The following MAP4K3 variants were observed in gnomAD, a reference collection of about 807,000 sequenced individuals.
MAP4K3 encodes the protein MAPK/ERK kinase kinase kinase 3.
A neutral mutation model predicts 143.5 loss-of-function variants in MAP4K3; 94 were observed. The ratio of observed to expected loss-of-function variants is 0.65; its 90% confidence interval spans 0.55 to 0.78. The LOEUF (loss-of-function observed/expected upper bound fraction) is 0.78, where lower values mean the gene tolerates loss of function less well. Ranked by LOEUF, MAP4K3 falls within the 30% of genes least tolerant of loss-of-function variation. The pLI, the probability that MAP4K3 is intolerant of heterozygous loss-of-function variation, is 0.00. For missense variants in MAP4K3, 1,077 were observed against 1,068.1 expected (o/e 1.01, Z -0.12); for synonymous variants, 416 against 347.2 (o/e 1.20, Z -2.20).
chr2:39,384,842 AACC>A (rs562339381), intron 1 of MAP4K3, among the ~76,000 whole-genome samples: 2 of 152,282 alleles, frequency 1.3e-5, no homozygotes, highest in East Asian at 3.9e-4. Flanking sequence ...TAGATTATGT[AACC>A]ACCACCACCA....
At chr2:39,289,277 C>A (rs995106602) in intron 19 of MAP4K3, among the ~76,000 whole-genome samples, 2 of 152,098 alleles carry the variant, frequency 1.3e-5, no homozygotes, top group Non-Finnish European at 2.9e-5. Context: ...GCAAGTACAG[C>A]ATTATTTACT....
At chr2:39,435,073 G>C (rs575791752) in intron 1 of MAP4K3, among the ~76,000 whole-genome samples, 1 of 152,188 alleles carries the variant, frequency 6.6e-6, no homozygotes, top group South Asian at 2.1e-4. Context: ...TACATTCATC[G>C]AGTTTTAGTT....
intron 32 of MAP4K3, among the ~76,000 whole-genome samples, chr2:39,253,706 G>A (rs542020174): frequency 1.3e-5 from 2 of 152,288 alleles, no homozygotes; most frequent in South Asian, 4.1e-4. Context: ...GACAGTTTAA[G>A]AAACAAATAA....
intron 2 of MAP4K3, among the ~76,000 whole-genome samples, chr2:39,377,652 A>C (rs945035323): frequency 6.6e-6 from 1 of 152,142 alleles, no homozygotes; most frequent in Admixed American, 6.5e-5. Context: ...CAGAGACATG[A>C]AGCTATTTGC....
intron 27 of MAP4K3, 24 bp downstream of exon 27, chr2:39,267,165 T>C (rs752149734): frequency 2.5e-6 from 4 of 1,611,120 alleles, no homozygotes; most frequent in Non-Finnish European, 3.4e-6. Context: ...CAGAGAGCTA[T>C]ATGCTATTGG....
At chr2:39,339,575 GC>G (rs1401696168) in intron 4 of MAP4K3, among the ~76,000 whole-genome samples, 1 of 152,130 alleles carries the variant, frequency 6.6e-6, no homozygotes, top group East Asian at 1.9e-4. Flanking sequence ...AGAAGACAAG[GC>G]CCTAGGTATG....
At chr2:39,394,804 G>A (rs1452119636) in intron 1 of MAP4K3, among the ~76,000 whole-genome samples, 1 of 152,104 alleles carries the variant, frequency 6.6e-6, no homozygotes, top group Non-Finnish European at 1.5e-5. Flanking sequence ...ACGCCTGGCA[G>A]CAACTAGATC....
chr2:39,406,845 C>T lies in MAP4K3; in HGVS notation c.97-28722G>A, dbSNP rs187688949. 8.5e-5 allele frequency among the ~76,000 whole-genome samples: 13 copies of T among 152,146 alleles called. No homozygotes were observed. In the East Asian group the frequency reaches 9.6e-4, roughly 11 times the overall value. On this transcript the variant is annotated intron_variant, in intron 1 of 33. Coordinates refer to ENST00000263881, the MANE Select transcript of MAP4K3 (RefSeq NM_003618.4). ...ACAGAATATTACAACACTGTAATTG[C>T]GGTATGTAAACTACTCTTAAGTAGA...
chr2:39,305,349 A>T (rs1157030424), intron 15 of MAP4K3, among the ~76,000 whole-genome samples: 2 of 152,232 alleles, frequency 1.3e-5, no homozygotes, highest in Non-Finnish European at 2.9e-5. Context: ...GCAACACAGT[A>T]CAGTGGTTTA....
At chr2:39,291,806 G>A (rs996445941) in intron 18 of MAP4K3, among the ~76,000 whole-genome samples, 1 of 152,102 alleles carries the variant, frequency 6.6e-6, no homozygotes, top group African/African-American at 2.4e-5. Context: ...GAGCCAGGAG[G>A]TCGAGGCTGC....
rs1683470531 is a variant in MAP4K3 at position 39,325,770 on chromosome 2, T to G, written c.767A>C (p.Lys256Thr). 6.2e-6 allele frequency: 10 copies of G among 1,610,604 alleles called. No homozygotes were observed. The highest frequency in any genetic ancestry group is 7.6e-6 in the Non-Finnish European group (9 of 1,178,772). Residue 256 changes from lysine to threonine, a missense_variant, in exon 11 of 34, where the codon AAA (lysine) becomes ACA (threonine). Physicochemically the swap from Lys to Thr is moderately conservative, Grantham distance 78. This residue lies in a region of MAP4K3 where 864 missense variants were observed against 801.2 expected (regional missense o/e 1.08). Transcript: ENST00000263881. Reference protein sequence around the residue: ...FHHFVKMALTKNPKKRPTAEK... With the variant: ...FHHFVKMALTTNPKKRPTAEK... The stretch of plus-strand genomic sequence containing the variant: ...AGCAGTAGGTCTTTTTTTCGGATTT[T>G]TGGTAAGTGCCATTTTCACAAAGTG...
At chr2:39,334,079 A>C (rs1281029899) in intron 6 of MAP4K3, among the ~76,000 whole-genome samples, 1 of 151,596 alleles carries the variant, frequency 6.6e-6, no homozygotes, top group East Asian at 1.9e-4. Context: ...CTTGCTGCTT[A>C]GTACATGAGG....
chr2:39,311,113 C>T (rs1184304844), intron 13 of MAP4K3, among the ~76,000 whole-genome samples: 4 of 152,062 alleles, frequency 2.6e-5, no homozygotes, highest in Non-Finnish European at 5.9e-5. Flanking sequence ...AGTCTCTTTC[C>T]GTTGCCCAGG....
intron 8 of MAP4K3, among the ~76,000 whole-genome samples, chr2:39,330,345 C>A (rs567731221): frequency 2.0e-5 from 3 of 152,192 alleles, no homozygotes; most frequent in Middle Eastern, 3.4e-3. Flanking sequence ...ACTTCAAAAA[C>A]TCTATCCTAG....
rs1191300422 is a variant in MAP4K3 at position 39,337,529 on chromosome 2, C to A, written c.363G>T (p.Leu121=). ...LQIAYVSRET[L]QGLYYLHSKG... is the part of the protein sequence containing the mutation. Reference sequence around the variant, plus strand: ...TTTGAATTAGCACTTGATTTACCTGCAGTGTTTCTCTGCTAACATATGCAA... The same window carrying A: ...TTTGAATTAGCACTTGATTTACCTGAAGTGTTTCTCTGCTAACATATGCAA... Residue 121 remains leucine, a synonymous_variant, in exon 5 of 34, where the codon CTG becomes CTT. Transcript: ENST00000263881. 3 of 1,609,542 alleles carry A rather than the reference C, an allele frequency of 1.9e-6. No individual in the cohort carries two copies. Among genetic ancestry groups the A allele is most frequent in the Non-Finnish European group, 2.5e-6 (3 of 1,176,750 alleles).
At chr2:39,389,381 A>T (rs879405217) in intron 1 of MAP4K3, among the ~76,000 whole-genome samples, 2 of 152,148 alleles carry the variant, frequency 1.3e-5, no homozygotes, top group Non-Finnish European at 2.9e-5. Flanking sequence ...CCAATATTTC[A>T]AGACACCATG....
chr2:39,252,113 C>G (rs1434956175), intron 32 of MAP4K3, among the ~76,000 whole-genome samples: 1 of 152,090 alleles, frequency 6.6e-6, no homozygotes. Flanking sequence ...AAATGATTTC[C>G]TTGTTAAATC....
In MAP4K3 at chr2:39,302,646, A is replaced by T. The variant is rs566927143; in HGVS notation, c.1120-2845T>A. Among the ~76,000 whole-genome samples the T allele has an allele frequency of 3.3e-5, 5 of 152,310 alleles. No individual in the cohort carries two copies. In the East Asian group the frequency reaches 9.6e-4, roughly 29 times the overall value. On this transcript the variant is annotated intron_variant, in intron 15 of 33. Coordinates refer to ENST00000263881, the MANE Select transcript of MAP4K3 (RefSeq NM_003618.4). ...AAGGCGCTCAAACTATCCCAAGATG[A>T]TGGTATCTTATGGCCATTCTTTACA...
intron 26 of MAP4K3, among the ~76,000 whole-genome samples, chr2:39,268,734 G>A (rs928238254): frequency 7.5e-6 from 1 of 133,272 alleles, no homozygotes; most frequent in African/African-American, 2.7e-5. Flanking sequence ...CTGCCTCCCA[G>A]GTTCAAGTGA....
Sources: gnomAD v4.1 joint callset for allele counts (sites outside exome capture counted in the v4.1 genomes callset) on GRCh38, gnomAD v4.1.1 for gene constraint, gnomAD v4.1.1 regional missense constraint, MANE v1.5 for transcripts, NCBI Gene and HGNC (gene_info 2026-07-23, HGNC 2026-07-21) for gene names.